The following ARFGEF3 variants were observed in gnomAD, a reference collection of about 807,000 sequenced individuals.
The protein encoded by ARFGEF3 is ARFGEF family member 3.
In ARFGEF3, 96 loss-of-function variants were observed where a neutral mutation model predicts 221.7. That is an observed-to-expected ratio of 0.43 (90% CI 0.37 to 0.51). The LOEUF (loss-of-function observed/expected upper bound fraction) is 0.51. ARFGEF3 is among the 20% of genes least tolerant of loss of function. The pLI is 0.00. For missense variants in ARFGEF3, 2,410 were observed against 2,789.9 expected, an observed-to-expected ratio of 0.86 and a Z score of 3.07; for synonymous variants, 1,145 against 1,126.8, an observed-to-expected ratio of 1.02 and a Z score of -0.32.
rs1776622297 is a variant in ARFGEF3 at position 138,162,018 on chromosome 6, G to T, written c.-69G>T. The T allele has an allele frequency of 5.1e-6, 6 of 1,178,494 alleles. No homozygotes were observed. The allele number at this position is 1,178,494 out of a possible 1,614,324, so 73.0% of individuals were successfully genotyped here. A position where few individuals can be genotyped will look rare whatever the true frequency, so the allele number is the denominator to read the frequency against. On this transcript the variant is annotated 5_prime_UTR_variant, in exon 1 of 34. Transcript: ENST00000251691. The surrounding 1 kb of genome is among the most constrained non-coding windows in gnomAD (Gnocchi z 4.7). ...TAGGCGCCCAGGGCCAGGCAGCGGC[G>T]GCTTCCCCGGCCCGGCTCGCCCGCG...
rs761689095 is a variant in ARFGEF3, at chr6:138,162,082, T to C, written c.-5T>C. On this transcript the variant is annotated 5_prime_UTR_variant, in exon 1 of 34. Coordinates refer to ENST00000251691, the MANE Select transcript of ARFGEF3 (RefSeq NM_020340.5). This position sits in a 1 kb window ranked among gnomAD's most constrained non-coding sequence, Gnocchi z 4.7. The stretch of plus-strand genomic sequence containing the variant: ...GGGCGGCGGCCCGGCGCCTGGAAGG[T>C]CAAGATGGAAGAAATCCTGAGGAAG... 3.1e-6 allele frequency: 5 copies of C among 1,588,146 alleles called. No individual in the cohort carries two copies. The African/African-American group carries it at 7.0e-5, about 22-fold the overall frequency.
At chr6:138,302,745 A>G (rs1384113810) in intron 22 of ARFGEF3, among the ~76,000 whole-genome samples, 1 of 152,202 alleles carries the variant, frequency 6.6e-6, no homozygotes, top group Non-Finnish European at 1.5e-5. Flanking sequence ...ATGTAATGAC[A>G]TATTTAAAGT....
At chr6:138,245,659 G>A (rs1778473488) in intron 8 of ARFGEF3, 68 bp downstream of exon 8, 2 of 1,137,552 alleles carry the variant, frequency 1.8e-6, no homozygotes, top group Non-Finnish European at 2.6e-6. Flanking sequence ...TTTGTCTGCA[G>A]CATCACTTCA....
chr6:138,198,995 T>C (rs544372077), intron 2 of ARFGEF3, among the ~76,000 whole-genome samples: 78 of 152,290 alleles, frequency 5.1e-4, no homozygotes, highest in South Asian at 1.9e-3. Flanking sequence ...ATCCCAGCAC[T>C]TTGGAAGGCT....
In ARFGEF3 at chr6:138,225,222, A is replaced by C. The variant is rs529738501; in HGVS notation, c.352-4562A>C. On this transcript the variant is annotated intron_variant, in intron 4 of 33. Coordinates refer to ENST00000251691, the MANE Select transcript of ARFGEF3 (RefSeq NM_020340.5). Reference sequence around the variant, plus strand: ...GTTTATCTCCTTTTAGTTATAATTTATTGGCCTGACCAGCCCTAATATGTG... The same window carrying C: ...GTTTATCTCCTTTTAGTTATAATTTCTTGGCCTGACCAGCCCTAATATGTG... Among the ~76,000 whole-genome samples the C allele has an allele frequency of 8.5e-5, 13 of 152,354 alleles. No homozygotes were observed. The South Asian group carries it at 2.7e-3, about 32-fold the overall frequency.
At chr6:138,333,645 T>C (rs1780265078) in intron 32 of ARFGEF3, among the ~76,000 whole-genome samples, 1 of 152,136 alleles carries the variant, frequency 6.6e-6, no homozygotes, top group South Asian at 2.1e-4. Context: ...GGTTTCACCA[T>C]GTTAGCCAGG....
chr6:138,328,002 C>T lies in ARFGEF3; in HGVS notation c.5002-19C>T. 3 of 1,549,456 alleles carry T rather than the reference C, an allele frequency of 1.9e-6. No individual in the cohort carries two copies. Among genetic ancestry groups the T allele is most frequent in the Non-Finnish European group, 2.6e-6 (3 of 1,145,768 alleles). On this transcript the variant is annotated intron_variant, in intron 31 of 33. Transcript: ENST00000251691. ...GAGGACACTGGAGTTCTGAAATGTACCTTTGCACCCCCATACAGGTGTTTA... is the reference window on the plus strand; with the variant it reads ...GAGGACACTGGAGTTCTGAAATGTATCTTTGCACCCCCATACAGGTGTTTA...
At chr6:138,265,725 C>A (rs191312491) in intron 12 of ARFGEF3, among the ~76,000 whole-genome samples, 1 of 152,126 alleles carries the variant, frequency 6.6e-6, no homozygotes. Flanking sequence ...ATGCTAAGGT[C>A]CCAAGATATG....
At chr6:138,222,698 G>A (rs965338183) in intron 4 of ARFGEF3, among the ~76,000 whole-genome samples, 18 of 152,176 alleles carry the variant, frequency 1.2e-4, no homozygotes, top group African/African-American at 4.3e-4. Context: ...AAAAAGGTTT[G>A]TCTTTGTCAT....
rs531007752 is a variant in ARFGEF3, at chr6:138,239,589, C to T, written c.543+958C>T. ...GCTTGAACTCAGGAGGTGGAGGTTG[C>T]AGTGAGCTGAGATCATGCCCACTGC... On this transcript the variant is annotated intron_variant, in intron 6 of 33. Coordinates refer to ENST00000251691, the MANE Select transcript of ARFGEF3 (RefSeq NM_020340.5). Among the ~76,000 whole-genome samples the T allele has an allele frequency of 1.0e-4, 15 of 146,822 alleles. No homozygotes were observed. The South Asian group carries it at 2.1e-3, about 21-fold the overall frequency.
intron 2 of ARFGEF3, among the ~76,000 whole-genome samples, chr6:138,191,927 A>G (rs981484509): frequency 6.6e-5 from 10 of 152,170 alleles, no homozygotes; most frequent in African/African-American, 1.7e-4. Flanking sequence ...GATGACAACA[A>G]TGAAGTTATC....
chr6:138,269,651 A>C (rs1254701735), intron 12 of ARFGEF3, among the ~76,000 whole-genome samples: 2 of 152,070 alleles, frequency 1.3e-5, no homozygotes, highest in African/African-American at 2.4e-5. Context: ...TGTACTAAAA[A>C]TACAAAATTA....
chr6:138,233,613 G>GT (rs1238783146), intron 5 of ARFGEF3, among the ~76,000 whole-genome samples: 1 of 152,148 alleles, frequency 6.6e-6, no homozygotes, highest in East Asian at 1.9e-4. Flanking sequence ...TCCTGACCTC[G>GT]TGATCCACCC....
intron 29 of ARFGEF3, among the ~76,000 whole-genome samples, chr6:138,321,718 C>T (rs1453643488): frequency 6.6e-6 from 1 of 152,144 alleles, no homozygotes; most frequent in Admixed American, 6.5e-5. Flanking sequence ...ATCAGCAATC[C>T]CATTGCTGGG....
chr6:138,172,831 A>G (rs574140895), intron 2 of ARFGEF3, among the ~76,000 whole-genome samples: 2 of 152,332 alleles, frequency 1.3e-5, no homozygotes, highest in Admixed American at 1.3e-4. Context: ...ATGTATTTTT[A>G]ATAAAAGTGT....
intron 2 of ARFGEF3, among the ~76,000 whole-genome samples, chr6:138,186,966 A>G (rs1249719137): frequency 8.6e-6 from 1 of 116,908 alleles, no homozygotes; most frequent in Non-Finnish European, 1.6e-5. Context: ...CCCAGGCAGG[A>G]GTGCAATGGT....
rs1356614754 is a variant in ARFGEF3 at position 138,263,396 on chromosome 6, C to T, written c.1913C>T (p.Ala638Val). The T allele has an allele frequency of 1.6e-5, 26 of 1,613,992 alleles. No homozygotes were observed. Among genetic ancestry groups the T allele is most frequent in the Non-Finnish European group, 2.0e-5 (24 of 1,179,890 alleles). ...ATTGGGTCGGACAACTGTTCACTAGCCGATGAAGAGCAGACACCCCGGGAC... is the reference window on the plus strand; with the variant it reads ...ATTGGGTCGGACAACTGTTCACTAGTCGATGAAGAGCAGACACCCCGGGAC... Reference protein sequence around the residue: ...SDIGSDNCSLADEEQTPRDCL... With the variant: ...SDIGSDNCSLVDEEQTPRDCL... Residue 638 changes from alanine to valine, a missense_variant, in exon 12 of 34, where the codon GCC (alanine) becomes GTC (valine). Around this residue, in one of 5 missense-constraint regions of ARFGEF3, gnomAD observed 594 missense variants for 734.3 expected, o/e 0.81. Coordinates refer to ENST00000251691, the MANE Select transcript of ARFGEF3 (RefSeq NM_020340.5).
Position 138,289,800 on chromosome 6 carries a change from A to C in ARFGEF3, c.2897-18A>C. 2 of 1,609,938 alleles carry C rather than the reference A, an allele frequency of 1.2e-6. No homozygotes were observed. Among genetic ancestry groups the C allele is most frequent in the Non-Finnish European group, 1.7e-6 (2 of 1,177,810 alleles). On this transcript the variant is annotated intron_variant, in intron 17 of 33. Transcript: ENST00000251691. Reference sequence around the variant, plus strand: ...CCTTACTCAACCTGTTATTTTAATAAATGTCTTTCTGGCACAGTGAAACTA... The same window carrying C: ...CCTTACTCAACCTGTTATTTTAATACATGTCTTTCTGGCACAGTGAAACTA...
chr6:138,210,241 C>T (rs1200165776), intron 4 of ARFGEF3, among the ~76,000 whole-genome samples, 200 bp downstream of exon 4: 1 of 152,132 alleles, frequency 6.6e-6, no homozygotes, highest in African/African-American at 2.4e-5. Flanking sequence ...TCAATCAATC[C>T]TTGAGATATT....
Sources: allele counts gnomAD v4.1 joint callset (sites outside exome capture counted in the v4.1 genomes callset), GRCh38; gene constraint gnomAD v4.1.1; regional missense constraint gnomAD v4.1.1; non-coding constraint Gnocchi (gnomAD v3.1); transcripts MANE v1.5; gene names NCBI Gene and HGNC (gene_info 2026-07-23, HGNC 2026-07-21).